The following MYPN variants were observed in gnomAD, a reference collection of about 807,000 sequenced individuals.
MYPN encodes the protein myopalladin, also known as sarcomeric protein myopalladin, 145 kDa (MYOP).
Under a neutral mutation model 129.4 loss-of-function variants are expected in MYPN, and 63 were observed. That is an observed-to-expected ratio of 0.49 (90% CI 0.40 to 0.60). The LOEUF is 0.60. Among genes scored for constraint, MYPN ranks in the 20% least tolerant of loss-of-function variants. The pLI, the probability that MYPN is intolerant of heterozygous loss-of-function variation, is 0.00. For missense variants in MYPN, 1,596 were observed against 1,635.4 expected (o/e 0.98, Z 0.42); for synonymous variants, 629 against 600.9 (o/e 1.05, Z -0.68).
chr10:68,188,333 T>C (rs1589602105), intron 12 of MYPN, among the ~76,000 whole-genome samples: 1 of 151,952 alleles, frequency 6.6e-6, no homozygotes, highest in African/African-American at 2.4e-5. Context: ...TGGTCTCGAA[T>C]TCCTGGCCTC....
chr10:68,194,936 T>G (rs2043579623), intron 14 of MYPN, among the ~76,000 whole-genome samples: 1 of 152,236 alleles, frequency 6.6e-6, no homozygotes, highest in South Asian at 2.1e-4. Context: ...GTCCACATTT[T>G]GGGATTGTTT....
At chr10:68,191,426 C>T (rs921793452) in intron 13 of MYPN, among the ~76,000 whole-genome samples, 3 of 151,998 alleles carry the variant, frequency 2.0e-5, no homozygotes, top group Non-Finnish European at 2.9e-5. Context: ...CTGTGTTGGC[C>T]AGGCTGGTCT....
chr10:68,152,579 T>C (rs1424573293), intron 6 of MYPN, among the ~76,000 whole-genome samples: 1 of 152,194 alleles, frequency 6.6e-6, no homozygotes, highest in Non-Finnish European at 1.5e-5. Flanking sequence ...CAACAATAGG[T>C]AAAAAGTTGT....
chr10:68,107,334 CTCTTT>C (rs1312376862), upstream of MYPN, among the ~76,000 whole-genome samples: 1 of 140,846 alleles, frequency 7.1e-6, no homozygotes, highest in Admixed American at 7.1e-5. Flanking sequence ...TCTTTGGCTT[CTCTTT>C]TCTTTTTTTT....
upstream of MYPN, chr10:68,106,510 C>T (rs1004153588): frequency 3.3e-6 from 2 of 606,400 alleles, no homozygotes; most frequent in Non-Finnish European, 5.9e-6. Context: ...AAAATACATA[C>T]TTTCTCTGTT....
At chr10:68,115,532 C>T (rs906155764) in intron 1 of MYPN, among the ~76,000 whole-genome samples, 4 of 152,134 alleles carry the variant, frequency 2.6e-5, no homozygotes, top group Admixed American at 6.5e-5. Flanking sequence ...CCATGGCTAC[C>T]GCTCATTGGT....
At chr10:68,105,298 C>T (rs976084277), upstream of MYPN, among the ~76,000 whole-genome samples, 6 of 152,100 alleles carry the variant, frequency 3.9e-5, no homozygotes, top group Admixed American at 6.6e-5. Context: ...ACTTCATAGA[C>T]GTTAAAGGAA....
chr10:68,148,934 T>C (rs1428737337), intron 5 of MYPN, among the ~76,000 whole-genome samples: 1 of 152,110 alleles, frequency 6.6e-6, no homozygotes, highest in Non-Finnish European at 1.5e-5. Context: ...ACTTTAAAAG[T>C]ACAGAAGTAT....
chr10:68,188,961 G>C lies in MYPN; in HGVS notation c.2760G>C (p.Leu920Phe), dbSNP rs1261406280. Residue 920 changes from leucine to phenylalanine, a missense_variant, in exon 13 of 20, where the codon TTG (leucine) becomes TTC (phenylalanine). Physicochemically the swap from Leu to Phe is conservative, Grantham distance 22. Transcript: ENST00000358913. ...QRLMNEIEFR[L>F]ERTPVDESDD... is the part of the protein sequence containing the mutation. ...TGATGAATGAAATAGAGTTTCGCTT[G>C]GAACGTACTCCTGTTGATGAATCAG... is the stretch of plus-strand genomic sequence containing the variant. 6.2e-7 allele frequency: 1 copy of C among 1,614,018 alleles called. No individual in the cohort carries two copies. Among genetic ancestry groups the C allele is most frequent in the East Asian group, 2.2e-5 (1 of 44,872 alleles).
chr10:68,192,670 G>A (rs546507922), intron 13 of MYPN, among the ~76,000 whole-genome samples: 33 of 151,718 alleles, frequency 2.2e-4, no homozygotes, highest in South Asian at 1.7e-3. Context: ...AGACTTTTTC[G>A]TTACTGCTTC....
At position 68,150,101 on chromosome 10, in the gene MYPN, T is replaced by C; in HGVS notation, c.1307T>C (p.Val436Ala). Reference protein sequence around the residue: ...LDGKPIIAAPVFTKMLQNLSA... With the variant: ...LDGKPIIAAPAFTKMLQNLSA... ...GGAAAACCTATCATTGCAGCTCCTGTGTTTACAAAGGTAATAAAAATATTA... is the reference window on the plus strand; with the variant it reads ...GGAAAACCTATCATTGCAGCTCCTGCGTTTACAAAGGTAATAAAAATATTA... Residue 436 changes from valine to alanine, a missense_variant, in exon 6 of 20, where the codon GTG becomes GCG. Transcript: ENST00000358913. The C allele has an allele frequency of 5.6e-6, 9 of 1,613,376 alleles. No homozygotes were observed. Among genetic ancestry groups the C allele is most frequent in the Non-Finnish European group, 7.6e-6 (9 of 1,179,380 alleles).
intron 8 of MYPN, among the ~76,000 whole-genome samples, chr10:68,164,163 AGGG>A (rs2043020158): frequency 6.6e-6 from 1 of 152,214 alleles, no homozygotes; most frequent in African/African-American, 2.4e-5. Context: ...AATAAAGAAC[AGGG>A]ATTTATTTCT....
chr10:68,172,214 G>A (rs2043155012), intron 10 of MYPN, among the ~76,000 whole-genome samples: 1 of 152,116 alleles, frequency 6.6e-6, no homozygotes, highest in African/African-American at 2.4e-5. Context: ...AAATTGCTGG[G>A]TGTGGAGGCA....
chr10:68,094,173 A>G (rs962953022), intron 1 of MYPN, among the ~76,000 whole-genome samples: 4 of 152,022 alleles, frequency 2.6e-5, no homozygotes, highest in African/African-American at 7.3e-5. Flanking sequence ...TGTGAAACCA[A>G]TCCTGCCCGC....
At chr10:68,199,617 A>G (rs1254029641) in intron 17 of MYPN, 42 bp downstream of exon 17, 1 of 1,588,466 alleles carries the variant, frequency 6.3e-7, no homozygotes, top group South Asian at 1.1e-5. Context: ...ACTTCCTCCA[A>G]AGTCATTACC....
chr10:68,191,216 C>CTTTTTTTTT (rs56335317), intron 13 of MYPN, among the ~76,000 whole-genome samples: 1 of 144,336 alleles, frequency 6.9e-6, no homozygotes, highest in Non-Finnish European at 1.5e-5. Flanking sequence ...TTTTCTATTT[C>CTTTTTTTTT]TTTTTTTTTT....
intron 1 of MYPN, among the ~76,000 whole-genome samples, chr10:68,099,875 A>G (rs1451377348): frequency 6.6e-6 from 1 of 152,120 alleles, no homozygotes; most frequent in Non-Finnish European, 1.5e-5. Flanking sequence ...TTTTCCAAAT[A>G]GATTCCTGAA....
intron 2 of MYPN, among the ~76,000 whole-genome samples, chr10:68,128,262 G>A (rs911463430): frequency 7.9e-5 from 12 of 152,192 alleles, no homozygotes; most frequent in Admixed American, 5.9e-4. Context: ...CCCCAGGAAT[G>A]TACAGCTGGG....
intron 3 of MYPN, among the ~76,000 whole-genome samples, chr10:68,143,874 C>T (rs904825444): frequency 2.6e-5 from 4 of 152,138 alleles, no homozygotes; most frequent in Non-Finnish European, 5.9e-5. Flanking sequence ...CGTGCCCCAG[C>T]CCCCCGAATA....
Sources: gnomAD v4.1 joint callset for allele counts (sites outside exome capture counted in the v4.1 genomes callset) on GRCh38, gnomAD v4.1.1 for gene constraint, MANE v1.5 for transcripts, NCBI Gene and HGNC (gene_info 2026-07-23, HGNC 2026-07-21) for gene names.